The following NDUFA10 variants were observed in gnomAD, a reference collection of about 807,000 sequenced individuals.
The protein encoded by NDUFA10 is NADH:ubiquinone oxidoreductase subunit A10.
NDUFA10 carries 40 observed loss-of-function variants against 47.8 expected under a neutral mutation model. That is an observed-to-expected ratio of 0.84 (90% CI 0.65 to 1.09). The LOEUF is 1.09. Among genes scored for constraint, NDUFA10 ranks in the 50% least tolerant of loss-of-function variants. NDUFA10 has a pLI of 0.00. For synonymous variants in NDUFA10, 183 were observed against 172.2 expected (o/e 1.06, Z -0.49); for missense variants, 413 against 451.1 (o/e 0.92, Z 0.76).
At chr2:239,982,535 C>A (rs1695818980) in intron 9 of NDUFA10, among the ~76,000 whole-genome samples, 2 of 152,174 alleles carry the variant, frequency 1.3e-5, no homozygotes, top group South Asian at 4.1e-4. Flanking sequence ...AGACTGATGG[C>A]TCCTTGGGCT....
At chr2:239,931,263 C>T (rs1008626220) in intron 4 of NDUFA10, among the ~76,000 whole-genome samples, 5 of 152,250 alleles carry the variant, frequency 3.3e-5, no homozygotes, top group East Asian at 1.9e-4. Flanking sequence ...GAAGCTGTTC[C>T]GGGCCTCTCT....
downstream of NDUFA10, among the ~76,000 whole-genome samples, chr2:239,954,539 A>T (rs1253533114): frequency 1.3e-5 from 2 of 152,068 alleles, no homozygotes; most frequent in Non-Finnish European, 2.9e-5. Flanking sequence ...TCAGAGGAAA[A>T]GCATGCCTTA....
intron 9 of NDUFA10, among the ~76,000 whole-genome samples, chr2:239,962,328 T>TCACAGCCATCCA (rs1319542685): frequency 1.3e-5 from 2 of 152,066 alleles, no homozygotes; most frequent in Admixed American, 1.3e-4. Context: ...CAGCAGGCAT[T>TCACAGCCATCCA]CACAGCCATC....
downstream of NDUFA10, among the ~76,000 whole-genome samples, chr2:239,957,113 C>G (rs1200006937): frequency 6.6e-6 from 1 of 152,182 alleles, no homozygotes; most frequent in East Asian, 1.9e-4. Flanking sequence ...CCACTGCGGG[C>G]TCGCCAAGTC....
In NDUFA10 at chr2:240,020,431, G is replaced by A. The variant is rs74483583; in HGVS notation, c.460+766C>T. ...GGCATGGTAGCTTTGACCAAAAATT[G>A]GCAGTGCATCTGCGGTCCAACTCTC... is the stretch of plus-strand genomic sequence containing the variant. On this transcript the variant is annotated intron_variant, in intron 3 of 9. Coordinates refer to ENST00000252711, the MANE Select transcript of NDUFA10 (RefSeq NM_004544.4). Among the ~76,000 whole-genome samples the A allele has an allele frequency of 1.5e-3, 221 of 152,294 alleles. 2 individuals carry two copies. In the East Asian group the frequency reaches 0.038, roughly 26 times the overall value.
chr2:239,982,173 C>T (rs1482103617), intron 9 of NDUFA10: 2 of 1,612,770 alleles, frequency 1.2e-6, no homozygotes, highest in African/African-American at 1.3e-5. Flanking sequence ...CACTTCAGGA[C>T]CCTCTCTTGT....
intron 4 of NDUFA10, among the ~76,000 whole-genome samples, chr2:239,919,896 G>A (rs1299606720): frequency 1.3e-5 from 2 of 152,142 alleles, no homozygotes; most frequent in Non-Finnish European, 2.9e-5. Flanking sequence ...GTCTGCCATA[G>A]GGAGGCAAGG....
chr2:239,968,545 T>A (rs1186774294), intron 9 of NDUFA10, among the ~76,000 whole-genome samples: 1 of 152,182 alleles, frequency 6.6e-6, no homozygotes, highest in African/African-American at 2.4e-5. Context: ...CCCAGCCAGA[T>A]ACATTTAGAA....
intron 4 of NDUFA10, among the ~76,000 whole-genome samples, chr2:239,911,315 G>A (rs558386497): frequency 1.4e-4 from 21 of 152,266 alleles, no homozygotes; most frequent in Admixed American, 6.5e-4. Context: ...GGCGGCAGGC[G>A]ACTCTTTCTT....
At chr2:239,923,956 A>G (rs138740116) in intron 4 of NDUFA10, among the ~76,000 whole-genome samples, 1 of 152,278 alleles carries the variant, frequency 6.6e-6, no homozygotes, top group Non-Finnish European at 1.5e-5. Context: ...AGGAGCAAAT[A>G]TTACAAACAT....
intron 4 of NDUFA10, among the ~76,000 whole-genome samples, chr2:239,949,225 A>C (rs184777969): frequency 3.2e-4 from 49 of 152,362 alleles, no homozygotes; most frequent in African/African-American, 1.2e-3. Context: ...AATGAGCACC[A>C]GCATTTGTGT....
intron 4 of NDUFA10, among the ~76,000 whole-genome samples, chr2:239,914,402 GACAC>G (rs1329189025): frequency 1.5e-5 from 2 of 136,270 alleles, no homozygotes; most frequent in African/African-American, 2.8e-5. Flanking sequence ...TACATACACA[GACAC>G]ACACAAATAT....
chr2:239,905,953 A>C (rs1693647931), intron 4 of NDUFA10, among the ~76,000 whole-genome samples: 1 of 151,952 alleles, frequency 6.6e-6, no homozygotes, highest in Non-Finnish European at 1.5e-5. Context: ...CCTATGCTGC[A>C]AAAAGAGATC....
chr2:239,963,711 G>C lies in NDUFA10; in HGVS notation c.1000-2525C>G, dbSNP rs141920581. Among the ~76,000 whole-genome samples, 422 of 152,358 alleles carry C rather than the reference G, an allele frequency of 2.8e-3. 1 individual carries two copies. Among genetic ancestry groups the C allele is most frequent in the Middle Eastern group, 6.8e-3 (2 of 294 alleles). On this transcript the variant is annotated intron_variant, in intron 9 of 9. Coordinates refer to ENST00000252711, the MANE Select transcript of NDUFA10 (RefSeq NM_004544.4). ...GTTGGAAACCTGCGTCTGTGGCTTA[G>C]AAGACAGGGCTGTGCAGCCACCTCC... is the stretch of plus-strand genomic sequence containing the variant.
At chr2:239,897,508 TA>T (rs1693419467) in intron 4 of NDUFA10, among the ~76,000 whole-genome samples, 1 of 152,272 alleles carries the variant, frequency 6.6e-6, no homozygotes. Flanking sequence ...GGCCTCAGAT[TA>T]ATAAAACCAA....
At chr2:240,020,517 T>C (rs146747440) in intron 3 of NDUFA10, among the ~76,000 whole-genome samples, 1 of 152,324 alleles carries the variant, frequency 6.6e-6, no homozygotes, top group East Asian at 1.9e-4. Flanking sequence ...CGCTGGACCC[T>C]AACCTCATTC....
At chr2:240,017,571 G>T (rs936325079) in intron 4 of NDUFA10, among the ~76,000 whole-genome samples, 1 of 152,250 alleles carries the variant, frequency 6.6e-6, no homozygotes, top group East Asian at 1.9e-4. Flanking sequence ...GCCCGTGGGA[G>T]CCTTGTCTTA....
At chr2:239,962,062 G>T (rs905886796) in intron 9 of NDUFA10, among the ~76,000 whole-genome samples, 1 of 152,236 alleles carries the variant, frequency 6.6e-6, no homozygotes, top group East Asian at 1.9e-4. Context: ...GGCTGAGACG[G>T]AAAGAGGAGT....
chr2:239,956,399 G>A (rs978199735), downstream of NDUFA10, among the ~76,000 whole-genome samples: 7 of 152,302 alleles, frequency 4.6e-5, no homozygotes, highest in Middle Eastern at 0.014. Flanking sequence ...GATCCAAAGC[G>A]TGGGGCCTGA....
Sources: gnomAD v4.1 joint callset for allele counts (sites outside exome capture counted in the v4.1 genomes callset) on GRCh38, gnomAD v4.1.1 for gene constraint, MANE v1.5 for transcripts, NCBI Gene and HGNC (gene_info 2026-07-23, HGNC 2026-07-21) for gene names.